Variants in PAPPA2 observed in about 807,000 individuals in gnomAD.
PAPPA2 encodes the protein pappalysin 2.
PAPPA2 carries 86 observed loss-of-function variants against 176.4 expected under a neutral mutation model. The observed-to-expected ratio is 0.49, with a 90% confidence interval of 0.41 to 0.58. The LOEUF (loss-of-function observed/expected upper bound fraction) is 0.58, where lower values mean the gene tolerates loss of function less well. Among genes scored for constraint, PAPPA2 ranks in the 20% least tolerant of loss-of-function variants. The pLI, the probability that PAPPA2 is intolerant of heterozygous loss-of-function variation, is 0.00. For synonymous variants in PAPPA2, 809 were observed against 852.2 expected (o/e 0.95, Z 0.88); for missense variants, 2,073 against 2,256.9 (o/e 0.92, Z 1.65).
chr1:176,656,472 C>G (rs911860749), intron 3 of PAPPA2, among the ~76,000 whole-genome samples: 1 of 151,854 alleles, frequency 6.6e-6, no homozygotes, highest in Non-Finnish European at 1.5e-5. Flanking sequence ...CAAAAACACT[C>G]TATGATGATA....
At chr1:176,662,195 C>CG (rs1439288512) in intron 3 of PAPPA2, among the ~76,000 whole-genome samples, 2 of 152,044 alleles carry the variant, frequency 1.3e-5, no homozygotes, top group African/African-American at 2.4e-5. Context: ...CTATGTGATC[C>CG]GGGGGAAGAC....
Position 176,706,797 on chromosome 1 carries a change from AC to A in PAPPA2, c.3457+350del, listed in dbSNP as rs1660902872. On this transcript the variant is annotated intron_variant, in intron 10 of 22. Coordinates refer to ENST00000367662, the MANE Select transcript of PAPPA2 (RefSeq NM_020318.3). ...TAATGTTACCAGGGATTTATCTTGG[AC>A]CCTCCAGGGTAACGCCAATATGTCA... Among the ~76,000 whole-genome samples, 6 of 152,180 alleles carry A rather than the reference AC, an allele frequency of 3.9e-5. No homozygotes were observed. In the South Asian group the frequency reaches 1.2e-3, roughly 31 times the overall value.
chr1:176,596,255 T>A (rs1291924787), intron 3 of PAPPA2, among the ~76,000 whole-genome samples: 1 of 152,178 alleles, frequency 6.6e-6, no homozygotes, highest in Non-Finnish European at 1.5e-5. Flanking sequence ...GCACTCAGAA[T>A]AAAATCTGAA....
intron 2 of PAPPA2, among the ~76,000 whole-genome samples, chr1:176,584,238 C>G (rs1311059820): frequency 6.6e-6 from 1 of 152,080 alleles, no homozygotes; most frequent in Admixed American, 6.5e-5. Context: ...TCTAGTTGAT[C>G]TGTCCAATAC....
At chr1:176,469,745 A>G (rs1651787519) in intron 1 of PAPPA2, among the ~76,000 whole-genome samples, 1 of 151,994 alleles carries the variant, frequency 6.6e-6, no homozygotes. Flanking sequence ...GGTCTGAGAC[A>G]TTTCACACCC....
At chr1:176,659,323 G>T (rs10913235) in intron 3 of PAPPA2, among the ~76,000 whole-genome samples, 37,894 of 151,872 alleles carry the variant, frequency 0.25, 4,861 homozygotes, top group South Asian at 0.33. Context: ...CCCAGGCTCC[G>T]CTCCTAGCTT....
intron 3 of PAPPA2, among the ~76,000 whole-genome samples, chr1:176,612,259 T>A (rs551861086): frequency 6.6e-6 from 1 of 151,980 alleles, no homozygotes; most frequent in Non-Finnish European, 1.5e-5. Flanking sequence ...CTGGGCGTGG[T>A]GGTGCATGCC....
chr1:176,797,798 A>T (rs756370337), intron 20 of PAPPA2, among the ~76,000 whole-genome samples: 13 of 152,188 alleles, frequency 8.5e-5, no homozygotes, highest in Non-Finnish European at 1.6e-4. Context: ...TTGAGTCTTG[A>T]AAAACATTTG....
chr1:176,831,415 T>C (rs1214238884), intron 21 of PAPPA2, among the ~76,000 whole-genome samples: 1 of 152,168 alleles, frequency 6.6e-6, no homozygotes, highest in Non-Finnish European at 1.5e-5. Context: ...TGTGCAGGGA[T>C]GTTCTGTCCT....
In PAPPA2 at chr1:176,471,993, G is replaced by A. The variant is rs116082860; in HGVS notation, c.-917+8575G>A. ...GGTGGCACATTAGAAAGTATGTAACGTCTGGTTGTCTCTCTTTGTGACTTG... is the reference window on the plus strand; with the variant it reads ...GGTGGCACATTAGAAAGTATGTAACATCTGGTTGTCTCTCTTTGTGACTTG... On this transcript the variant is annotated intron_variant, in intron 1 of 22. Transcript: ENST00000367662. 2.2e-3 allele frequency among the ~76,000 whole-genome samples: 339 copies of A among 152,288 alleles called. 5 individuals carry two copies. The highest frequency in any genetic ancestry group is 7.5e-3 in the African/African-American group (311 of 41,560).
rs980053236 is a variant in PAPPA2 at position 176,545,466 on chromosome 1, C to G, written c.-916-9941C>G. On this transcript the variant is annotated intron_variant, in intron 1 of 22. Transcript: ENST00000367662. ...AATAAATAAATAAATAAATAATACA[C>G]CTGAACTGAAACTGTGCATGATTTT... 2.0e-5 allele frequency among the ~76,000 whole-genome samples: 3 copies of G among 148,218 alleles called. No homozygotes were observed. The East Asian group carries it at 5.9e-4, about 29-fold the overall frequency.
intron 1 of PAPPA2, among the ~76,000 whole-genome samples, chr1:176,515,580 A>G (rs1031785980): frequency 6.6e-6 from 1 of 152,136 alleles, no homozygotes; most frequent in Non-Finnish European, 1.5e-5. Context: ...GACAAACTAC[A>G]TGTACCTGTT....
At chr1:176,591,061 A>G (rs977145236) in intron 2 of PAPPA2, among the ~76,000 whole-genome samples, 3 of 149,870 alleles carry the variant, frequency 2.0e-5, no homozygotes, top group Non-Finnish European at 3.0e-5. Flanking sequence ...CAGGCTAAGT[A>G]AAAGTAAATA....
At chr1:176,814,939 T>C (rs1365572144) in intron 21 of PAPPA2, among the ~76,000 whole-genome samples, 4 of 152,200 alleles carry the variant, frequency 2.6e-5, no homozygotes, top group African/African-American at 9.6e-5. Flanking sequence ...ATGGCTCTTA[T>C]TGTTTTGAGG....
intron 14 of PAPPA2, among the ~76,000 whole-genome samples, chr1:176,741,407 G>T (rs1662672706): frequency 6.6e-6 from 1 of 152,146 alleles, no homozygotes; most frequent in African/African-American, 2.4e-5. Flanking sequence ...CCTCTCCGCA[G>T]CTATCTGAGT....
chr1:176,669,854 C>T (rs1381194365), intron 3 of PAPPA2, among the ~76,000 whole-genome samples: 4 of 152,138 alleles, frequency 2.6e-5, no homozygotes, highest in Non-Finnish European at 5.9e-5. Flanking sequence ...GGGGAAGGGT[C>T]ATGCTGTCCT....
At chr1:176,628,541 AG>A (rs1423233472) in intron 3 of PAPPA2, among the ~76,000 whole-genome samples, 1 of 152,110 alleles carries the variant, frequency 6.6e-6, no homozygotes, top group Non-Finnish European at 1.5e-5. Context: ...AGAAAACAAA[AG>A]CCTTTTGTGA....
At chr1:176,617,813 G>A (rs1050403592) in intron 3 of PAPPA2, among the ~76,000 whole-genome samples, 4 of 152,102 alleles carry the variant, frequency 2.6e-5, no homozygotes, top group African/African-American at 9.7e-5. Flanking sequence ...ACCCAGTAGT[G>A]GGATTGCTGG....
chr1:176,483,150 G>C (rs1434904604), intron 1 of PAPPA2, among the ~76,000 whole-genome samples: 1 of 152,086 alleles, frequency 6.6e-6, no homozygotes, highest in Admixed American at 6.5e-5. Flanking sequence ...CTATACTTGG[G>C]ATTCCAGGTC....
Sources: allele counts gnomAD v4.1 joint callset (sites outside exome capture counted in the v4.1 genomes callset), GRCh38; gene constraint gnomAD v4.1.1; transcripts MANE v1.5; gene names NCBI Gene and HGNC (gene_info 2026-07-23, HGNC 2026-07-21).